Variants in PPIP5K2 observed in about 807,000 individuals in gnomAD.
PPIP5K2 encodes inositol hexakisphosphate and diphosphoinositol-pentakisphosphate kinase 2.
A neutral mutation model predicts 154.6 loss-of-function variants in PPIP5K2; 105 were observed. The ratio of observed to expected loss-of-function variants is 0.68; its 90% confidence interval spans 0.58 to 0.80. The LOEUF is 0.80. Among genes scored for constraint, PPIP5K2 ranks in the 30% least tolerant of loss-of-function variants. The pLI is 0.00. For missense variants in PPIP5K2, 992 were observed against 1,504.6 expected (o/e 0.66, Z 5.64); for synonymous variants, 480 against 490.3 (o/e 0.98, Z 0.28).
intron 14 of PPIP5K2, 108 bp downstream of exon 14, chr5:103,156,102 G>C (rs2149593764): frequency 1.5e-6 from 1 of 673,136 alleles, no homozygotes; most frequent in East Asian, 2.8e-5. Context: ...GAATGGCATG[G>C]TGAGGAAAAA....
chr5:103,191,883 A>G (rs1286763910), intron 29 of PPIP5K2, among the ~76,000 whole-genome samples: 1 of 152,068 alleles, frequency 6.6e-6, no homozygotes, highest in Non-Finnish European at 1.5e-5. Context: ...GAAAGTGACA[A>G]ACTTTCTTTG....
At chr5:103,177,297 T>C (rs1798870499) in intron 21 of PPIP5K2, among the ~76,000 whole-genome samples, 1 of 152,002 alleles carries the variant, frequency 6.6e-6, no homozygotes, top group Non-Finnish European at 1.5e-5. Context: ...TTTTGTATTT[T>C]GGAATACTTG....
In PPIP5K2 at chr5:103,152,643, T is replaced by G; in HGVS notation, c.1029-5T>G. 1 of 1,553,920 alleles carries G rather than the reference T, an allele frequency of 6.4e-7. No homozygotes were observed. Among genetic ancestry groups the G allele is most frequent in the Non-Finnish European group, 8.9e-7 (1 of 1,127,830 alleles). On this transcript the variant is annotated splice_region_variant and splice_polypyrimidine_tract_variant and intron_variant, in intron 9 of 30. Coordinates refer to ENST00000358359, the MANE Select transcript of PPIP5K2 (RefSeq NM_001276277.3). ...ATTTTAAATCTTTTCTTTTTTGTCT[T>G]GAAGAAATATTGTAATGCGAGAACT...
intron 6 of PPIP5K2, among the ~76,000 whole-genome samples, chr5:103,147,036 G>A (rs577510665): frequency 3.3e-5 from 5 of 151,774 alleles, no homozygotes; most frequent in East Asian, 1.9e-4. Flanking sequence ...ATAACTTTAC[G>A]TACATGAAAG....
rs1250864251 is a variant in PPIP5K2 at position 103,194,746 on chromosome 5, T to TA, written c.3494-147dup. On this transcript the variant is annotated intron_variant, in intron 29 of 30. Coordinates refer to ENST00000358359, the MANE Select transcript of PPIP5K2 (RefSeq NM_001276277.3). ...GGCCATAACAGAACTATCTTTTTATTAAAAAAAGGTGATTTTGCTGAATTT... is the reference window on the plus strand; with the variant it reads ...GGCCATAACAGAACTATCTTTTTATTAAAAAAAAGGTGATTTTGCTGAATTT... 4.0e-4 allele frequency: 285 copies of TA among 716,720 alleles called. 1 individual carries two copies. The African/African-American group carries it at 4.5e-3, about 11-fold the overall frequency. The allele number at this position is 716,720 out of a possible 1,614,324, so 44.4% of individuals were successfully genotyped here.
At chr5:103,146,203 A>G (rs1280044220) in intron 5 of PPIP5K2, among the ~76,000 whole-genome samples, 1 of 152,048 alleles carries the variant, frequency 6.6e-6, no homozygotes, top group Non-Finnish European at 1.5e-5. Flanking sequence ...GTAATCTCAC[A>G]GTTTTCAGAA....
chr5:103,200,632 T>G (rs1802832067), intron 30 of PPIP5K2, among the ~76,000 whole-genome samples: 1 of 151,368 alleles, frequency 6.6e-6, no homozygotes. Context: ...ATTTATTTAT[T>G]TATTTATTTA....
chr5:103,140,571 C>T (rs981591252), intron 5 of PPIP5K2, among the ~76,000 whole-genome samples: 3 of 152,300 alleles, frequency 2.0e-5, no homozygotes, highest in Admixed American at 1.3e-4. Context: ...TCCTTCAGGC[C>T]GGGCGCGGTG....
chr5:103,142,109 G>T (rs1792827239), intron 5 of PPIP5K2, among the ~76,000 whole-genome samples: 1 of 152,222 alleles, frequency 6.6e-6, no homozygotes. Flanking sequence ...GGAGGCTCGG[G>T]CCGCACAGGA....
At chr5:103,200,285 C>G (rs77220535) in intron 30 of PPIP5K2, among the ~76,000 whole-genome samples, 6,371 of 152,120 alleles carry the variant, frequency 0.042, 440 homozygotes, top group African/African-American at 0.15. Flanking sequence ...ACCTTACTTT[C>G]TAGCAGCTGT....
chr5:103,142,334 C>CG (rs1334685748), intron 5 of PPIP5K2, among the ~76,000 whole-genome samples: 2 of 152,164 alleles, frequency 1.3e-5, no homozygotes, highest in African/African-American at 4.8e-5. Flanking sequence ...GTGCGGGGCC[C>CG]GCCAAGCCCA....
chr5:103,163,718 A>C (rs1796701532), intron 17 of PPIP5K2, among the ~76,000 whole-genome samples: 1 of 151,956 alleles, frequency 6.6e-6, no homozygotes, highest in African/African-American at 2.4e-5. Flanking sequence ...CATTATAAAA[A>C]CGTACTGAAT....
At chr5:103,146,346 A>G (rs1793756352) in intron 5 of PPIP5K2, among the ~76,000 whole-genome samples, 181 bp from the exon 6 acceptor site, 2 of 152,082 alleles carry the variant, frequency 1.3e-5, no homozygotes, top group Admixed American at 6.6e-5. Context: ...TTTTAATGCC[A>G]TACGTATCAT....
At chr5:103,138,567 A>T (rs1791985677) in intron 5 of PPIP5K2, 98 bp downstream of exon 5, 1 of 679,030 alleles carries the variant, frequency 1.5e-6, no homozygotes, top group Admixed American at 3.0e-5. Flanking sequence ...TAAAGAATTC[A>T]TAGTATTCTA....
intron 24 of PPIP5K2, 122 bp from the exon 25 acceptor site, chr5:103,183,112 A>G (rs1290042158): frequency 1.1e-6 from 1 of 931,752 alleles, no homozygotes; most frequent in South Asian, 4.3e-5. Context: ...GCAAATATGA[A>G]CAAACTGTAT....
In PPIP5K2 at chr5:103,129,702, C is replaced by T. The variant is rs1554202064; in HGVS notation, c.113C>T (p.Ser38Phe). Residue 38 changes from serine (S) to phenylalanine (F), a missense_variant and splice_region_variant, in exon 2 of 31, where the codon TCT (serine) becomes TTT (phenylalanine). Coordinates refer to ENST00000358359, the MANE Select transcript of PPIP5K2 (RefSeq NM_001276277.3). ...GAAGACGATGAGGAGGAAGATGATTCTGTAAGTTGTTTGTTTTTCCTTTGG... is the reference window on the plus strand; with the variant it reads ...GAAGACGATGAGGAGGAAGATGATTTTGTAAGTTGTTTGTTTTTCCTTTGG... ...ADEDDEEEDD[S>F]PPERQIVVGI... 5 of 1,597,322 alleles carry T rather than the reference C, an allele frequency of 3.1e-6. No individual in the cohort carries two copies. The highest frequency in any genetic ancestry group is 1.4e-5 in the African/African-American group (1 of 73,792).
chr5:103,198,608 A>T (rs1282773197), intron 30 of PPIP5K2, among the ~76,000 whole-genome samples: 1 of 152,154 alleles, frequency 6.6e-6, no homozygotes, highest in Admixed American at 6.5e-5. Context: ...ATATTTGATT[A>T]TTGGATATTC....
At chr5:103,159,848 A>G (rs1204452528) in intron 17 of PPIP5K2, among the ~76,000 whole-genome samples, 3 of 152,142 alleles carry the variant, frequency 2.0e-5, no homozygotes, top group Non-Finnish European at 2.9e-5. Flanking sequence ...TATAATCACC[A>G]TGTTGTACAA....
At position 103,206,674 on chromosome 5, in the gene PPIP5K2, A is replaced by T. The variant is rs1393230571; in HGVS notation, c.*5040A>T. ...GGTAAGTAGCTGAAATGAAAATAAC[A>T]ATCACATCTTTATTCACTTACTATG... On this transcript the variant is annotated 3_prime_UTR_variant, in exon 31 of 31. Coordinates refer to ENST00000358359, the MANE Select transcript of PPIP5K2 (RefSeq NM_001276277.3). 2.0e-5 allele frequency: 3 copies of T among 152,218 alleles called. No individual in the cohort carries two copies. The highest frequency in any genetic ancestry group is 4.4e-5 in the Non-Finnish European group (3 of 68,034). The allele number at this position is 152,218 out of a possible 1,614,324, so 9.4% of individuals were successfully genotyped here.
Sources: gnomAD v4.1 joint callset for allele counts (sites outside exome capture counted in the v4.1 genomes callset) on GRCh38, gnomAD v4.1.1 for gene constraint, MANE v1.5 for transcripts, NCBI Gene and HGNC (gene_info 2026-07-23, HGNC 2026-07-21) for gene names.